Variants in SLC4A4 observed in about 807,000 individuals in gnomAD.
SLC4A4 encodes the protein electrogenic sodium bicarbonate cotransporter 1.
SLC4A4 carries 27 observed loss-of-function variants against 111.5 expected under a neutral mutation model. The ratio of observed to expected loss-of-function variants is 0.24; its 90% CI spans 0.18 to 0.33. The LOEUF (loss-of-function observed/expected upper bound fraction) is 0.33, where lower values mean the gene tolerates loss of function less well. SLC4A4 is among the 10% of genes least tolerant of loss of function. The probability of loss-of-function intolerance (pLI) is 1.00; values close to 1 mark genes in which losing one functional copy is unlikely to be tolerated. For synonymous variants in SLC4A4, 443 were observed against 463.4 expected (o/e 0.96, Z 0.57); for missense variants, 909 against 1,315.5 (o/e 0.69, Z 4.78).
intron 6 of SLC4A4, among the ~76,000 whole-genome samples, chr4:71,395,193 G>A (rs1435149759): frequency 1.3e-5 from 2 of 152,124 alleles, no homozygotes; most frequent in African/African-American, 4.8e-5. Context: ...CTGATTTAGA[G>A]GATTGGGAAG....
intron 1 of SLC4A4, among the ~76,000 whole-genome samples, chr4:71,084,788 T>A (rs983742746): frequency 2.6e-5 from 4 of 152,104 alleles, no homozygotes; most frequent in African/African-American, 9.7e-5. Context: ...CCACATTTTC[T>A]TAATCCAGTC....
intron 2 of SLC4A4, among the ~76,000 whole-genome samples, chr4:71,240,844 C>T (rs1720152781): frequency 1.3e-5 from 2 of 151,942 alleles, no homozygotes; most frequent in Admixed American, 6.6e-5. Flanking sequence ...CAAAGCCTGA[C>T]GTGGTGGTCA....
rs567715202 is a variant in SLC4A4 at position 71,122,632 on chromosome 4, G to T, written c.-2+29840G>T. Among the ~76,000 whole-genome samples the T allele has an allele frequency of 1.3e-3, 191 of 152,214 alleles. 1 individual carries two copies. The highest frequency in any genetic ancestry group is 4.5e-3 in the African/African-American group (186 of 41,544). ...ATGTAGGACCTAAAACAGACTGATTGTGTAACACTGACAGTAGGTGCCTAC... is the reference window on the plus strand; with the variant it reads ...ATGTAGGACCTAAAACAGACTGATTTTGTAACACTGACAGTAGGTGCCTAC... On this transcript the variant is annotated intron_variant, in intron 2 of 26. Coordinates refer to the SLC4A4 transcript ENST00000649996.
At chr4:71,214,278 T>G (rs977418054) in intron 1 of SLC4A4, among the ~76,000 whole-genome samples, 1 of 152,160 alleles carries the variant, frequency 6.6e-6, no homozygotes, top group Non-Finnish European at 1.5e-5. Flanking sequence ...CGCTGGCTAA[T>G]GGCCCTGTAG....
chr4:71,316,054 G>T (rs1303414326), intron 3 of SLC4A4, among the ~76,000 whole-genome samples: 1 of 152,104 alleles, frequency 6.6e-6, no homozygotes, highest in African/African-American at 2.4e-5. Flanking sequence ...CCAGTTGGAG[G>T]TAGCATACTG....
rs1050110029 is a variant in SLC4A4, at chr4:71,078,107, G to A, written c.-64-14623G>A. Among the ~76,000 whole-genome samples the A allele has an allele frequency of 2.6e-5, 4 of 152,130 alleles. No individual in the cohort carries two copies. The East Asian group carries it at 7.7e-4, about 29-fold the overall frequency. ...GTGTAAAAAAGATAGCAGGAGAAAA[G>A]AATTGGATGCAGGAGTACTATGGTC... On this transcript the variant is annotated intron_variant, in intron 1 of 26. Transcript: ENST00000649996.
At chr4:71,334,217 T>TC (rs1728246894) in intron 3 of SLC4A4, among the ~76,000 whole-genome samples, 1 of 152,068 alleles carries the variant, frequency 6.6e-6, no homozygotes, top group Non-Finnish European at 1.5e-5. Context: ...CAAGGTCTCT[T>TC]AGTCAGCAGG....
intron 1 of SLC4A4, among the ~76,000 whole-genome samples, chr4:71,199,302 T>A (rs1578583457): frequency 6.6e-6 from 1 of 152,342 alleles, no homozygotes; most frequent in Non-Finnish European, 1.5e-5. Flanking sequence ...AATAAGCACT[T>A]AGACTTCCTT....
At chr4:71,139,810 A>T (rs1032469140) in intron 2 of SLC4A4, among the ~76,000 whole-genome samples, 1 of 152,210 alleles carries the variant, frequency 6.6e-6, no homozygotes, top group African/African-American at 2.4e-5. Flanking sequence ...TTTTTAGGAT[A>T]TCAACCATCT....
At position 71,532,126 on chromosome 4, in the gene SLC4A4, C is replaced by G; in HGVS notation, c.2231C>G (p.Ala744Gly). The change falls in exon 17 of 26, where the codon GCC (alanine) becomes GGC (glycine). Residue 744 changes from alanine (A) to glycine (G), a missense_variant. By Grantham distance (60) the Ala-to-Gly change is moderately conservative. This residue lies in a region of SLC4A4 where 264 missense variants were observed against 356.8 expected (regional missense o/e 0.74). Coordinates refer to ENST00000264485, the MANE Select transcript of SLC4A4 (RefSeq NM_001098484.3). Reference sequence around the variant, plus strand: ...ATTCTCATCTTTTGTGTAATAGATGCCCTAGTAGGCGTGGACACCCCAAAA... The same window carrying G: ...ATTCTCATCTTTTGTGTAATAGATGGCCTAGTAGGCGTGGACACCCCAAAA... ...LSILIFCVID[A>G]LVGVDTPKLI... The G allele has an allele frequency of 6.2e-7, 1 of 1,612,840 alleles. No individual in the cohort carries two copies.
Position 71,154,882 on chromosome 4 carries a change from C to A in SLC4A4, c.-2+62090C>A, listed in dbSNP as rs552893452. Among the ~76,000 whole-genome samples, 8 of 152,198 alleles carry A rather than the reference C, an allele frequency of 5.3e-5. No individual in the cohort carries two copies. The East Asian group carries it at 1.5e-3, about 29-fold the overall frequency. Reference sequence around the variant, plus strand: ...GTGTTATGGAAAAAAATCACATGTACTATGAGTTCATTTTGTCTATCATTT... The same window carrying A: ...GTGTTATGGAAAAAAATCACATGTAATATGAGTTCATTTTGTCTATCATTT... On this transcript the variant is annotated intron_variant, in intron 2 of 26. Transcript: ENST00000649996.
rs1737826741 is a variant in SLC4A4 at position 71,570,101 on chromosome 4, C to T, written c.*2350C>T. 1 of 151,674 alleles carries T rather than the reference C, an allele frequency of 6.6e-6. No homozygotes were observed. The highest frequency in any genetic ancestry group is 2.1e-4 in the South Asian group (1 of 4,828). The allele number at this position is 151,674 out of a possible 1,614,324, so 9.4% of individuals were successfully genotyped here. ...TAGTAAATTCAGCTTAACCCGTGAT[C>T]TTCTTAAGTTAAAGGTACTTTTGTT... On this transcript the variant is annotated 3_prime_UTR_variant, in exon 26 of 26. Transcript: ENST00000264485.
chr4:71,144,954 G>A (rs965056109), intron 2 of SLC4A4, among the ~76,000 whole-genome samples: 3 of 152,054 alleles, frequency 2.0e-5, no homozygotes, highest in Admixed American at 6.5e-5. Flanking sequence ...TCTCCTGCCT[G>A]ATTGCCCTGG....
intron 5 of SLC4A4, among the ~76,000 whole-genome samples, chr4:71,354,696 G>C (rs992564675): frequency 1.1e-4 from 16 of 152,064 alleles, no homozygotes; most frequent in Admixed American, 9.2e-4. Context: ...TGTTTCTCTA[G>C]AGCTTAGTTT....
chr4:71,088,395 C>T (rs1249868204), intron 1 of SLC4A4, among the ~76,000 whole-genome samples: 3 of 151,958 alleles, frequency 2.0e-5, no homozygotes, highest in Non-Finnish European at 4.4e-5. Flanking sequence ...GAGCATTTAG[C>T]CCATTTACAT....
chr4:71,339,059 G>A (rs1728667674), intron 3 of SLC4A4: 4 of 1,518,150 alleles, frequency 2.6e-6, no homozygotes, highest in African/African-American at 1.4e-5. Context: ...GAGAAGGAGG[G>A]GAAGTGAGTG....
intron 1 of SLC4A4, among the ~76,000 whole-genome samples, chr4:71,090,104 A>C (rs972676799): frequency 1.3e-5 from 2 of 151,354 alleles, no homozygotes; most frequent in African/African-American, 2.4e-5. Flanking sequence ...GGCGGGCGCC[A>C]CTCCCCCAGC....
intron 15 of SLC4A4, among the ~76,000 whole-genome samples, chr4:71,494,835 A>AT (rs1250182819): frequency 2.0e-5 from 3 of 152,000 alleles, no homozygotes; most frequent in African/African-American, 7.2e-5. Context: ...TGTTGGTGAA[A>AT]TGGACCCTGC....
At chr4:71,292,136 G>A (rs1724405054) in intron 3 of SLC4A4, among the ~76,000 whole-genome samples, 1 of 152,150 alleles carries the variant, frequency 6.6e-6, no homozygotes, top group Admixed American at 6.5e-5. Context: ...CAACTAATTA[G>A]CAGTAGTCTC....
Sources: gnomAD v4.1 joint callset for allele counts (sites outside exome capture counted in the v4.1 genomes callset) on GRCh38, gnomAD v4.1.1 for gene constraint, gnomAD v4.1.1 regional missense constraint, MANE v1.5 for transcripts, NCBI Gene and HGNC (gene_info 2026-07-23, HGNC 2026-07-21) for gene names.